ZNF131: variants seen among roughly 807,000 people sequenced by gnomAD.
ZNF131 encodes zinc finger and BTB domain containing 35, also known as zinc finger protein 131.
Under a neutral mutation model 60.0 loss-of-function variants are expected in ZNF131, and 7 were observed. The ratio of observed to expected loss-of-function variants is 0.12; its 90% CI spans 0.07 to 0.22. The LOEUF (loss-of-function observed/expected upper bound fraction) is 0.22. Ranked by LOEUF, ZNF131 falls within the 10% of genes least tolerant of loss-of-function variation. The pLI is 1.00. For synonymous variants in ZNF131, 257 were observed against 253.2 expected (o/e 1.01, Z -0.14); for missense variants, 493 against 740.9 (o/e 0.67, Z 3.88).
chr5:43,172,472 A>T (rs936060972), intron 5 of ZNF131, among the ~76,000 whole-genome samples: 1 of 152,182 alleles, frequency 6.6e-6, no homozygotes, highest in Non-Finnish European at 1.5e-5. Context: ...GATACAAAAA[A>T]ATAGCCGGGC....
intron 3 of ZNF131, among the ~76,000 whole-genome samples, chr5:43,130,036 T>C (rs1472120006): frequency 1.3e-5 from 2 of 150,440 alleles, no homozygotes; most frequent in African/African-American, 4.9e-5. Context: ...GAGGCCGAGG[T>C]GGGCAGATTG....
chr5:43,149,863 T>G (rs1281851620), intron 4 of ZNF131, among the ~76,000 whole-genome samples: 1 of 152,168 alleles, frequency 6.6e-6, no homozygotes, highest in Non-Finnish European at 1.5e-5. Context: ...TTGCCTGTTT[T>G]TTAAAATGGG....
chr5:43,138,692 GGTTT>G (rs1746438216), intron 3 of ZNF131, among the ~76,000 whole-genome samples: 2 of 152,070 alleles, frequency 1.3e-5, no homozygotes, highest in South Asian at 4.1e-4. Context: ...GAAAGTGCAG[GGTTT>G]GTTTGAGAAA....
intron 4 of ZNF131, among the ~76,000 whole-genome samples, chr5:43,150,608 G>C (rs914885565): frequency 2.0e-5 from 3 of 152,096 alleles, no homozygotes; most frequent in Non-Finnish European, 2.9e-5. Context: ...TGGCTAACGT[G>C]GTGGAACCCC....
intron 4 of ZNF131, among the ~76,000 whole-genome samples, chr5:43,147,287 G>A (rs1747719797): frequency 6.6e-6 from 1 of 151,808 alleles, no homozygotes. Context: ...TCTTTGAGTG[G>A]ATATATGCTT....
rs567080272 is a variant in ZNF131 at position 43,146,833 on chromosome 5, G to A, written c.371+7524G>A. 6.6e-5 allele frequency among the ~76,000 whole-genome samples: 10 copies of A among 152,166 alleles called. No homozygotes were observed. In the South Asian group the frequency reaches 1.7e-3, roughly 25 times the overall value. On this transcript the variant is annotated intron_variant, in intron 4 of 6. Coordinates refer to ENST00000682664, the MANE Select transcript of ZNF131 (RefSeq NM_001330707.2). Reference sequence around the variant, plus strand: ...AGACAGGAGAATTGCTTGAACCCTGGTGGTAGAGGTTGCAGTGAGCCGAGA... The same window carrying A: ...AGACAGGAGAATTGCTTGAACCCTGATGGTAGAGGTTGCAGTGAGCCGAGA...
chr5:43,166,731 C>G (rs930981152), intron 5 of ZNF131, among the ~76,000 whole-genome samples: 1 of 152,080 alleles, frequency 6.6e-6, no homozygotes, highest in African/African-American at 2.4e-5. Flanking sequence ...TCTCGGCTCA[C>G]TGCAACCTCT....
At chr5:43,138,293 G>A (rs1386192761) in intron 3 of ZNF131, among the ~76,000 whole-genome samples, 1 of 152,154 alleles carries the variant, frequency 6.6e-6, no homozygotes, top group Non-Finnish European at 1.5e-5. Flanking sequence ...GACCTTTAAG[G>A]GGTGGGTGGT....
intron 3 of ZNF131, 117 bp from the exon 4 acceptor site, chr5:43,139,048 T>C (rs1746481149): frequency 2.2e-6 from 2 of 895,434 alleles, no homozygotes; most frequent in African/African-American, 1.7e-5. Context: ...TTCCAGAAAA[T>C]AGTTTTCAAA....
chr5:43,136,775 C>T (rs1390857233), intron 3 of ZNF131, among the ~76,000 whole-genome samples: 2 of 151,524 alleles, frequency 1.3e-5, no homozygotes, highest in South Asian at 2.1e-4. Flanking sequence ...GCATGAGCCA[C>T]TGCACCCAGC....
chr5:43,153,071 G>A (rs867204439), intron 4 of ZNF131, among the ~76,000 whole-genome samples: 22 of 152,256 alleles, frequency 1.4e-4, no homozygotes, highest in Middle Eastern at 3.4e-3. Context: ...AGAAGGGCAA[G>A]GACATTTAAA....
At chr5:43,127,650 C>CAG (rs372977530) in intron 3 of ZNF131, among the ~76,000 whole-genome samples, 75 of 151,732 alleles carry the variant, frequency 4.9e-4, no homozygotes, top group African/African-American at 1.8e-3. Flanking sequence ...GCTCACCCTC[C>CAG]ATGTTTTCTG....
At chr5:43,160,966 C>A (rs1018708074) in intron 4 of ZNF131, among the ~76,000 whole-genome samples, 1 of 152,156 alleles carries the variant, frequency 6.6e-6, no homozygotes, top group Non-Finnish European at 1.5e-5. Flanking sequence ...CAGGCATGAG[C>A]CACTGCACCT....
intron 3 of ZNF131, among the ~76,000 whole-genome samples, chr5:43,135,248 G>C (rs1745924484): frequency 6.8e-6 from 1 of 147,802 alleles, no homozygotes; most frequent in Non-Finnish European, 1.5e-5. Flanking sequence ...ACCAACCTCG[G>C]CCTCCCAAAG....
chr5:43,122,959 C>T (rs1275296296), intron 2 of ZNF131, among the ~76,000 whole-genome samples: 2 of 152,150 alleles, frequency 1.3e-5, no homozygotes, highest in East Asian at 1.9e-4. Flanking sequence ...AGGCTCCTTA[C>T]CTAGTGTTGT....
chr5:43,125,736 C>T (rs538412923), intron 3 of ZNF131, among the ~76,000 whole-genome samples: 20 of 151,706 alleles, frequency 1.3e-4, no homozygotes, highest in East Asian at 1.2e-3. Context: ...AGCTGAGTCA[C>T]GCCATTGCAC....
chr5:43,167,707 C>T (rs950036004), intron 5 of ZNF131, among the ~76,000 whole-genome samples: 8 of 152,144 alleles, frequency 5.3e-5, no homozygotes, highest in African/African-American at 1.7e-4. Flanking sequence ...GTGTCAGTGT[C>T]CCTGCCTTCA....
Position 43,136,568 on chromosome 5 carries a change from C to T in ZNF131, c.227-2597C>T, listed in dbSNP as rs972892097. Among the ~76,000 whole-genome samples the T allele has an allele frequency of 6.2e-5, 9 of 145,030 alleles. No individual in the cohort carries two copies. In the South Asian group the frequency reaches 2.0e-3, roughly 32 times the overall value. ...GTGGTGTAATCTTGGCCCACTGCAG[C>T]CTTAGCCTCCCAAGTAGCTGGGATT... is the stretch of plus-strand genomic sequence containing the variant. On this transcript the variant is annotated intron_variant, in intron 3 of 6. Coordinates refer to ENST00000682664, the MANE Select transcript of ZNF131 (RefSeq NM_001330707.2).
chr5:43,142,159 G>A (rs1201325122), intron 4 of ZNF131, among the ~76,000 whole-genome samples: 2 of 151,628 alleles, frequency 1.3e-5, no homozygotes, highest in African/African-American at 2.4e-5. Flanking sequence ...GGCCAAGACG[G>A]TGAAACCCCA....
Sources: allele counts gnomAD v4.1 joint callset (sites outside exome capture counted in the v4.1 genomes callset), GRCh38; gene constraint gnomAD v4.1.1; transcripts MANE v1.5; gene names NCBI Gene and HGNC (gene_info 2026-07-23, HGNC 2026-07-21).